SETD1B: variants seen among roughly 807,000 people sequenced by gnomAD.
SETD1B encodes the protein SET domain containing 1B, histone lysine methyltransferase, also known as histone-lysine N-methyltransferase SETD1B.
Under a neutral mutation model 148.0 loss-of-function variants are expected in SETD1B, and 7 were observed. The ratio of observed to expected loss-of-function variants is 0.05; its 90% CI spans 0.03 to 0.09. The LOEUF is 0.09. Among genes scored for constraint, SETD1B ranks in the 10% least tolerant of loss-of-function variants. The pLI is 1.00. For synonymous variants in SETD1B, 1,361 were observed against 1,186.5 expected (o/e 1.15, Z -3.02); for missense variants, 2,155 against 2,729.9 (o/e 0.79, Z 4.69).
the SETD1B span, chr12:121,794,084 C>T: frequency 5.6e-5 from 9 of 161,022 alleles, no homozygotes; most frequent in Non-Finnish European, 6.7e-5. Flanking sequence ...GAGAAGCCCC[C>T]GGCCTCCAGC....
rs1433033207 is a variant in SETD1B, at chr12:121,814,698, C to A, written c.2483C>A (p.Pro828Gln). 6.4e-7 allele frequency: 1 copy of A among 1,550,492 alleles called. No individual in the cohort carries two copies. Among genetic ancestry groups the A allele is most frequent in the African/African-American group, 1.4e-5 (1 of 73,028 alleles). ...CCCTTCTCCCTGAGCAACTCCGGCC[C>A]AGGCCGCGGGCAGCACTGGCCACCA... ...RGPFSLSNSG[P>Q]GRGQHWPPLP... The change falls in exon 7 of 17, where the codon CCA (proline) becomes CAA (glutamine). Residue 828 changes from proline to glutamine, a missense_variant. Pro to Gln is a moderately conservative substitution (Grantham distance 76, BLOSUM62 -1). This residue lies in a region of SETD1B where 289 missense variants were observed against 423.7 expected (regional missense o/e 0.68). Coordinates refer to ENST00000604567, the MANE Select transcript of SETD1B (RefSeq NM_001353345.2).
the SETD1B span, among the ~76,000 whole-genome samples, chr12:121,798,110 G>A: frequency 6.6e-6 from 1 of 152,250 alleles, no homozygotes; most frequent in Non-Finnish European, 1.5e-5. Flanking sequence ...CAGCTGGGGT[G>A]AGGGGGTGCC....
At chr12:121,806,938 C>G (rs747987023) in intron 4 of SETD1B, among the ~76,000 whole-genome samples, 10 of 152,110 alleles carry the variant, frequency 6.6e-5, no homozygotes, top group Admixed American at 1.3e-4. Context: ...AAAGAAGGTG[C>G]CGAGTGCTTT....
the SETD1B span, chr12:121,797,315 C>T: frequency 2.0e-5 from 8 of 400,888 alleles, no homozygotes; most frequent in African/African-American, 6.2e-5. Context: ...CTTCCGCTGG[C>T]GTGGCCCTCT....
Position 121,808,465 on chromosome 12 carries a change from A to G in SETD1B, c.657+145A>G. On this transcript the variant is annotated intron_variant, in intron 5 of 16. Coordinates refer to ENST00000604567, the MANE Select transcript of SETD1B (RefSeq NM_001353345.2). The surrounding 1 kb of genome is among the most constrained non-coding windows in gnomAD (Gnocchi z 5.3). ...GGAGACCAAGGCCTAGGAGGGTGTG[A>G]AGCCTGGCCACGCCCCCCACAATTG... The G allele has an allele frequency of 1.7e-6, 1 of 587,026 alleles. No individual in the cohort carries two copies. Among genetic ancestry groups the G allele is most frequent in the Non-Finnish European group, 3.0e-6 (1 of 331,530 alleles). 36.4% of individuals were successfully genotyped at this position (587,026 alleles called of 1,614,324 possible).
the SETD1B span, chr12:121,797,292 C>T: frequency 5.3e-6 from 2 of 380,376 alleles, no homozygotes; most frequent in East Asian, 7.2e-5. Flanking sequence ...GTCCTGCCAC[C>T]TCCTGGCCGG....
At chr12:121,825,144 TGAAGGGACCA>T (rs886727358) in intron 12 of SETD1B, 46 bp from the exon 13 acceptor site, 1 of 1,525,592 alleles carries the variant, frequency 6.6e-7, no homozygotes, top group African/African-American at 1.4e-5. Context: ...GACCAGTCTA[TGAAGGGACCA>T]GAAGGGGCTC....
rs1159452957 is a variant in SETD1B, at chr12:121,804,318, A to G, written c.-15+85A>G. ...GCCCCGGCCCTGGCCCGAGCGGGCGAGCGGGCGGGCGGGCGGCGGCGCCGC... is the reference window on the plus strand; with the variant it reads ...GCCCCGGCCCTGGCCCGAGCGGGCGGGCGGGCGGGCGGGCGGCGGCGCCGC... On this transcript the variant is annotated intron_variant, in intron 1 of 16. Coordinates refer to ENST00000604567, the MANE Select transcript of SETD1B (RefSeq NM_001353345.2). This position sits in a 1 kb window ranked among gnomAD's most constrained non-coding sequence, Gnocchi z 4.6. 7.0e-5 allele frequency: 10 copies of G among 143,202 alleles called. No homozygotes were observed. Among genetic ancestry groups the G allele is most frequent in the South Asian group, 4.3e-4 (2 of 4,674 alleles). The allele number at this position is 143,202 out of a possible 1,614,324, so 8.9% of individuals were successfully genotyped here.
At chr12:121,823,831 C>G (rs975102095) in intron 12 of SETD1B, 82 bp downstream of exon 12, 2 of 1,460,570 alleles carry the variant, frequency 1.4e-6, no homozygotes, top group African/African-American at 1.4e-5. Context: ...ACCACCCAGT[C>G]TGTAGCAGCC....
chr12:121,796,538 CA>C, the SETD1B span, among the ~76,000 whole-genome samples: 1 of 152,230 alleles, frequency 6.6e-6, no homozygotes, highest in Non-Finnish European at 1.5e-5. Context: ...AGGGGCCACC[CA>C]CATGAGGCAG....
intron 10 of SETD1B, among the ~76,000 whole-genome samples, chr12:121,819,160 C>T (rs1377729678): frequency 6.6e-6 from 1 of 152,138 alleles, no homozygotes. Flanking sequence ...AGGAGAATCG[C>T]TTGAACCCAG....
upstream of SETD1B, chr12:121,802,252 G>A (rs1245633508): frequency 6.6e-6 from 1 of 152,192 alleles, no homozygotes; most frequent in East Asian, 1.9e-4. Flanking sequence ...AGACAAGAGA[G>A]ACAAAGACAT....
Position 121,830,292 on chromosome 12 carries a change from G to T in SETD1B, c.*53G>T, listed in dbSNP as rs1257498056. 6.6e-7 allele frequency: 1 copy of T among 1,507,192 alleles called. No individual in the cohort carries two copies. Among genetic ancestry groups the T allele is most frequent in the Admixed American group, 2.1e-5 (1 of 48,756 alleles). 93.4% of individuals were successfully genotyped at this position (1,507,192 alleles called of 1,614,324 possible). A position where few individuals can be genotyped will look rare whatever the true frequency, so the allele number is the denominator to read the frequency against. On this transcript the variant is annotated 3_prime_UTR_variant, in exon 17 of 17. Coordinates refer to ENST00000604567, the MANE Select transcript of SETD1B (RefSeq NM_001353345.2). The surrounding 1 kb of genome is among the most constrained non-coding windows in gnomAD (Gnocchi z 5.7). ...AGCCGTAGCCCTGGGACTCCCGAGC[G>T]TGGAGCCCCTGGCCCCGGGGCCCGG... is the stretch of plus-strand genomic sequence containing the variant.
the SETD1B span, chr12:121,793,280 C>CG: frequency 7.2e-5 from 110 of 1,525,890 alleles, no homozygotes; most frequent in South Asian, 1.2e-3. Context: ...GTGGGGCCGG[C>CG]GGGGGCCAAA....
In SETD1B at chr12:121,831,360, T is replaced by A. The variant is rs1877083538; in HGVS notation, c.*1121T>A. The A allele has an allele frequency of 6.6e-6, 1 of 152,066 alleles. No homozygotes were observed. Among genetic ancestry groups the A allele is most frequent in the Non-Finnish European group, 1.5e-5 (1 of 68,032 alleles). The allele number at this position is 152,066 out of a possible 1,614,324, so 9.4% of individuals were successfully genotyped here. On this transcript the variant is annotated 3_prime_UTR_variant, in exon 17 of 17. Coordinates refer to ENST00000604567, the MANE Select transcript of SETD1B (RefSeq NM_001353345.2). ...ACTTCTCCCAGAGAAAGGAAAATCT[T>A]GGAAAAGATTTAAAAACACAAATCT...
intron 11 of SETD1B, among the ~76,000 whole-genome samples, chr12:121,821,419 A>G (rs1206806612): frequency 6.6e-6 from 1 of 150,822 alleles, no homozygotes; most frequent in Non-Finnish European, 1.5e-5. Context: ...AGCCTGGGCG[A>G]TAGAGTGAGA....
chr12:121,794,895 G>C, the SETD1B span, among the ~76,000 whole-genome samples: 2 of 152,198 alleles, frequency 1.3e-5, no homozygotes, highest in African/African-American at 4.8e-5. Flanking sequence ...CAGCAGCATG[G>C]TTGGGGGCAA....
intron 10 of SETD1B, among the ~76,000 whole-genome samples, 177 bp from the exon 11 acceptor site, chr12:121,819,225 CAA>C (rs897951843): frequency 6.6e-6 from 1 of 152,080 alleles, no homozygotes; most frequent in African/African-American, 2.4e-5. Context: ...GTCTGGGCAA[CAA>C]GAGCAAAACT....
chr12:121,821,133 C>T (rs150989165), intron 11 of SETD1B, among the ~76,000 whole-genome samples: 2 of 152,218 alleles, frequency 1.3e-5, no homozygotes, highest in African/African-American at 4.8e-5. Flanking sequence ...TTGTTTATTC[C>T]ACCATTAACC....
Sources: allele counts gnomAD v4.1 joint callset (sites outside exome capture counted in the v4.1 genomes callset), GRCh38; gene constraint gnomAD v4.1.1; regional missense constraint gnomAD v4.1.1; non-coding constraint Gnocchi (gnomAD v3.1); transcripts MANE v1.5; gene names NCBI Gene and HGNC (gene_info 2026-07-23, HGNC 2026-07-21).